Variants in JAZF1 observed in about 807,000 individuals in gnomAD.
JAZF1 encodes juxtaposed with another zinc finger protein 1.
A neutral mutation model predicts 26.4 loss-of-function variants in JAZF1; 8 were observed. The ratio of observed to expected loss-of-function variants is 0.30; its 90% CI spans 0.18 to 0.55. The LOEUF is 0.55. Among genes scored for constraint, JAZF1 ranks in the 20% least tolerant of loss-of-function variants. JAZF1 has a pLI of 0.94. For synonymous variants in JAZF1, 126 were observed against 122.3 expected, an observed-to-expected ratio of 1.03 and a Z score of -0.20; for missense variants, 199 against 322.0, an observed-to-expected ratio of 0.62 and a Z score of 2.92.
chr7:27,848,839 T>A (rs960532071), intron 3 of JAZF1, among the ~76,000 whole-genome samples: 1 of 152,224 alleles, frequency 6.6e-6, no homozygotes, highest in African/African-American at 2.4e-5. Context: ...CTTACTTGAT[T>A]TTTTATTTTA....
intron 1 of JAZF1, among the ~76,000 whole-genome samples, chr7:28,030,362 G>C (rs981157371): frequency 1.3e-5 from 2 of 152,170 alleles, no homozygotes; most frequent in African/African-American, 4.8e-5. Context: ...CACGTTTACT[G>C]CCAAAAGAGG....
chr7:27,833,954 A>G (rs1303432641), intron 4 of JAZF1, among the ~76,000 whole-genome samples: 1 of 152,214 alleles, frequency 6.6e-6, no homozygotes, highest in Non-Finnish European at 1.5e-5. Context: ...CTTAATTTCC[A>G]AGTCAGCAAT....
intron 1 of JAZF1, among the ~76,000 whole-genome samples, chr7:28,027,205 G>T (rs1490069193): frequency 1.3e-5 from 2 of 152,154 alleles, no homozygotes; most frequent in Non-Finnish European, 2.9e-5. Context: ...CCCCACAAGT[G>T]GCTCACTTGG....
chr7:27,882,313 T>C (rs1323166844), intron 3 of JAZF1, among the ~76,000 whole-genome samples: 1 of 152,130 alleles, frequency 6.6e-6, no homozygotes, highest in Non-Finnish European at 1.5e-5. Context: ...GCTTGTTTTT[T>C]TTTTTTAAAC....
At position 28,072,964 on chromosome 7, in the gene JAZF1, C is replaced by A. The variant is rs1475312410; in HGVS notation, c.116-80983G>T. 2.6e-5 allele frequency among the ~76,000 whole-genome samples: 4 copies of A among 152,296 alleles called. No individual in the cohort carries two copies. The South Asian group carries it at 6.2e-4, about 24-fold the overall frequency. ...TTTAAGAAAAGTACAAAGACAACCTCTCTCACCTTGTTCCCCTCCTCCCAA... is the reference window on the plus strand; with the variant it reads ...TTTAAGAAAAGTACAAAGACAACCTATCTCACCTTGTTCCCCTCCTCCCAA... On this transcript the variant is annotated intron_variant, in intron 1 of 4. Coordinates refer to ENST00000283928, the MANE Select transcript of JAZF1 (RefSeq NM_175061.4).
At chr7:27,973,171 A>C (rs1411550446) in intron 2 of JAZF1, among the ~76,000 whole-genome samples, 2 of 152,158 alleles carry the variant, frequency 1.3e-5, no homozygotes, top group Non-Finnish European at 2.9e-5. Flanking sequence ...ATATTTGTAC[A>C]CAATTTTAAA....
At chr7:28,014,607 A>C (rs1782853084) in intron 1 of JAZF1, among the ~76,000 whole-genome samples, 1 of 152,194 alleles carries the variant, frequency 6.6e-6, no homozygotes, top group African/African-American at 2.4e-5. Flanking sequence ...GCCTTCCACC[A>C]TGATTGTGAG....
chr7:27,872,100 C>T (rs367805330), intron 3 of JAZF1, among the ~76,000 whole-genome samples: 6 of 152,178 alleles, frequency 3.9e-5, no homozygotes, highest in African/African-American at 7.2e-5. Context: ...AACTCGTCCC[C>T]GCCAGCAAGC....
chr7:27,855,165 C>T (rs868313077), intron 3 of JAZF1, among the ~76,000 whole-genome samples: 1 of 151,970 alleles, frequency 6.6e-6, no homozygotes, highest in Non-Finnish European at 1.5e-5. Flanking sequence ...GCTATTGATA[C>T]TTGTGTCAAT....
intron 1 of JAZF1, among the ~76,000 whole-genome samples, chr7:28,012,843 T>C (rs1782820502): frequency 6.6e-6 from 1 of 152,268 alleles, no homozygotes; most frequent in Non-Finnish European, 1.5e-5. Context: ...CACTTGTGGA[T>C]CTGTATTTAA....
At chr7:28,144,389 T>C (rs1312730220) in intron 1 of JAZF1, among the ~76,000 whole-genome samples, 2 of 152,232 alleles carry the variant, frequency 1.3e-5, no homozygotes, top group African/African-American at 4.8e-5. Flanking sequence ...CTGTCTGGAA[T>C]TGTAAGTTCT....
chr7:27,906,283 G>A (rs975472659), intron 2 of JAZF1, among the ~76,000 whole-genome samples: 1 of 152,122 alleles, frequency 6.6e-6, no homozygotes, highest in Non-Finnish European at 1.5e-5. Context: ...ACATGCCCCA[G>A]GCAGACACTG....
chr7:28,179,642 C>G (rs1422028462), intron 1 of JAZF1, among the ~76,000 whole-genome samples: 1 of 150,050 alleles, frequency 6.7e-6, no homozygotes, highest in Non-Finnish European at 1.5e-5. Flanking sequence ...GGCCCGCGGG[C>G]GCACCCAAGA....
chr7:27,875,626 C>A (rs1442952078), intron 3 of JAZF1, among the ~76,000 whole-genome samples: 1 of 152,222 alleles, frequency 6.6e-6, no homozygotes, highest in Non-Finnish European at 1.5e-5. Flanking sequence ...GGTCTCCTGA[C>A]TCTTCATCCA....
chr7:28,155,802 T>A (rs1783175703), intron 1 of JAZF1, among the ~76,000 whole-genome samples: 1 of 152,214 alleles, frequency 6.6e-6, no homozygotes, highest in South Asian at 2.1e-4. Flanking sequence ...CACGCGCACA[T>A]GGGAAGTATA....
chr7:28,022,828 C>T (rs759972858), intron 1 of JAZF1, among the ~76,000 whole-genome samples: 27 of 152,192 alleles, frequency 1.8e-4, no homozygotes, highest in Non-Finnish European at 2.8e-4. Context: ...ATGATCTTGG[C>T]TCACTGCAAC....
intron 1 of JAZF1, among the ~76,000 whole-genome samples, chr7:28,014,107 T>C (rs185218317): frequency 3.2e-5 from 4 of 123,990 alleles, no homozygotes; most frequent in East Asian, 2.3e-4. Context: ...GCCATCCAAA[T>C]AGATGCTAAA....
intron 1 of JAZF1, among the ~76,000 whole-genome samples, chr7:28,092,266 A>C (rs78247597): frequency 0.054 from 7,534 of 139,786 alleles, 426 homozygotes; most frequent in African/African-American, 0.13. Flanking sequence ...CTAAACTCTA[A>C]CATCCCATTT....
chr7:27,856,213 T>G (rs572129119), intron 3 of JAZF1, among the ~76,000 whole-genome samples: 3 of 152,208 alleles, frequency 2.0e-5, no homozygotes, highest in Non-Finnish European at 4.4e-5. Flanking sequence ...GTGGTCTCGC[T>G]GGCTCAGGAG....
Sources: gnomAD v4.1 joint callset for allele counts (sites outside exome capture counted in the v4.1 genomes callset) on GRCh38, gnomAD v4.1.1 for gene constraint, MANE v1.5 for transcripts, NCBI Gene and HGNC (gene_info 2026-07-23, HGNC 2026-07-21) for gene names.